RAET1G: variants seen among roughly 807,000 people sequenced by gnomAD.
RAET1G encodes the protein retinoic acid early transcript 1G.
RAET1G carries 25 observed loss-of-function variants against 29.5 expected under a neutral mutation model. The observed-to-expected ratio is 0.85, with a 90% CI of 0.62 to 1.18. The LOEUF is 1.18. Ranked by LOEUF, RAET1G falls within the 50% of genes most tolerant of loss-of-function variation. The pLI, the probability that RAET1G is intolerant of heterozygous loss-of-function variation, is 0.00. For missense variants in RAET1G, 434 were observed against 423.6 expected (o/e 1.02, Z -0.22); for synonymous variants, 167 against 159.5 (o/e 1.05, Z -0.36).
Position 149,918,377 on chromosome 6 carries a change from G to A in RAET1G, c.639C>T (p.Pro213=). Residue 213 remains proline, a synonymous_variant, in exon 4 of 5, where the codon CCC becomes CCT. Transcript: ENST00000367360. The part of the protein sequence containing the change: ...STLEPSAGAP[P]TMSSGTAQPR... Reference sequence around the variant, plus strand: ...GTTGGGCTGTGCCTGAGGACATGGTGGGTGGTGCTGAAATGGAAGCACAAG... The same window carrying A: ...GTTGGGCTGTGCCTGAGGACATGGTAGGTGGTGCTGAAATGGAAGCACAAG... 5.0e-6 allele frequency: 8 copies of A among 1,614,078 alleles called. No homozygotes were observed. Among genetic ancestry groups the A allele is most frequent in the Non-Finnish European group, 6.8e-6 (8 of 1,179,942 alleles).
Position 149,919,449 on chromosome 6 carries a change from G to A in RAET1G, c.349+104C>T, listed in dbSNP as rs1028105082. The A allele has an allele frequency of 3.4e-5, 55 of 1,610,018 alleles. 1 individual carries two copies. Among genetic ancestry groups the A allele is most frequent in the South Asian group, 3.1e-4 (28 of 90,236 alleles). On this transcript the variant is annotated intron_variant, in intron 2 of 4. Coordinates refer to ENST00000367360, the MANE Select transcript of RAET1G (RefSeq NM_001001788.4). Reference sequence around the variant, plus strand: ...CTGGCCTTGCCTCTAGACGTCTTGCGGGGTGAGATGACCTTCCTATTTGTA... The same window carrying A: ...CTGGCCTTGCCTCTAGACGTCTTGCAGGGTGAGATGACCTTCCTATTTGTA...
intron 3 of RAET1G, 198 bp downstream of exon 3, chr6:149,918,845 G>T (rs779624141): frequency 3.3e-5 from 26 of 778,288 alleles, no homozygotes; most frequent in African/African-American, 1.4e-4. Context: ...CAGTGAGGAA[G>T]AGGAGTCAGG....
At chr6:149,919,923 C>G in intron 1 of RAET1G, 107 bp from the exon 2 acceptor site, 1 of 1,602,486 alleles carries the variant, frequency 6.2e-7, no homozygotes, top group Non-Finnish European at 8.5e-7. Context: ...TGGGCTGGCC[C>G]AGCAAGGAGT....
intron 1 of RAET1G, among the ~76,000 whole-genome samples, chr6:149,920,073 G>A (rs75353579): frequency 0.022 from 3,293 of 152,240 alleles, 94 homozygotes; most frequent in Admixed American, 0.072. Context: ...TGTCCACATC[G>A]GTCAACACAG....
At chr6:149,919,922 C>A (rs774933548) in intron 1 of RAET1G, 106 bp from the exon 2 acceptor site, 134 of 1,603,096 alleles carry the variant, frequency 8.4e-5, no homozygotes, top group Non-Finnish European at 1.1e-4. Flanking sequence ...CTGGGCTGGC[C>A]CAGCAAGGAG....
chr6:149,923,114 A>C lies in RAET1G; in HGVS notation c.-104T>G, dbSNP rs2114661776. ...GCAGCCCGTCTGAATGCAGCCCTAA[A>C]CTCCAGTAAGCCCTAAACTCTAGCA... is the stretch of plus-strand genomic sequence containing the variant. On this transcript the variant is annotated 5_prime_UTR_variant, in exon 1 of 5. Coordinates refer to ENST00000367360, the MANE Select transcript of RAET1G (RefSeq NM_001001788.4). The C allele has an allele frequency of 1.3e-6, 1 of 759,340 alleles. No homozygotes were observed. Among genetic ancestry groups the C allele is most frequent in the Admixed American group, 2.6e-5 (1 of 39,096 alleles). The allele number at this position is 759,340 out of a possible 1,614,324, so 47.0% of individuals were successfully genotyped here.
chr6:149,920,370 G>A (rs1197539016), intron 1 of RAET1G, among the ~76,000 whole-genome samples: 1 of 152,154 alleles, frequency 6.6e-6, no homozygotes, highest in Middle Eastern at 3.2e-3. Flanking sequence ...GGTCCACACA[G>A]CAAGAAATAG....
intron 3 of RAET1G, 188 bp from the exon 4 acceptor site, chr6:149,918,572 A>T (rs1026688820): frequency 9.5e-5 from 66 of 697,954 alleles, no homozygotes; most frequent in Admixed American, 2.1e-4. Flanking sequence ...CAGGGAGCTC[A>T]CAGAGCTGCT....
At chr6:149,918,749 A>G in intron 3 of RAET1G, 1 of 601,788 alleles carries the variant, frequency 1.7e-6, no homozygotes, top group South Asian at 2.1e-5. Flanking sequence ...TCAAGAGGGA[A>G]CACTAAGGAG....
chr6:149,917,555 A>G (rs188682115), intron 4 of RAET1G, among the ~76,000 whole-genome samples: 184 of 152,360 alleles, frequency 1.2e-3, no homozygotes, highest in African/African-American at 4.3e-3. Context: ...AGAGATTATT[A>G]TAACATTGGA....
intron 1 of RAET1G, among the ~76,000 whole-genome samples, chr6:149,920,117 G>A (rs1473708484): frequency 3.3e-5 from 5 of 152,170 alleles, no homozygotes; most frequent in Non-Finnish European, 7.4e-5. Context: ...AGTGCTAGAG[G>A]AGGAAGGGCC....
intron 1 of RAET1G, among the ~76,000 whole-genome samples, chr6:149,920,078 A>G (rs1482877248): frequency 6.6e-6 from 1 of 152,186 alleles, no homozygotes; most frequent in Admixed American, 6.5e-5. Flanking sequence ...ACATCGGTCA[A>G]CACAGGACCT....
At chr6:149,922,790 G>T in intron 1 of RAET1G, 136 bp downstream of exon 1, 1 of 591,244 alleles carries the variant, frequency 1.7e-6, no homozygotes, top group African/African-American at 1.9e-5. Flanking sequence ...AAGGAGACGC[G>T]GAGGGAAACT....
intron 1 of RAET1G, among the ~76,000 whole-genome samples, 167 bp downstream of exon 1, chr6:149,922,759 T>C (rs1327202467): frequency 6.6e-6 from 1 of 151,534 alleles, no homozygotes; most frequent in Admixed American, 6.6e-5. Flanking sequence ...ATAAGTAGCC[T>C]CTGGGAACGG....
At chr6:149,919,359 G>T in intron 2 of RAET1G, 35 bp from the exon 3 acceptor site, 2 of 1,601,622 alleles carry the variant, frequency 1.2e-6, no homozygotes, top group South Asian at 1.1e-5. Context: ...CTCTGGCCTT[G>T]ACAGATATTG....
In RAET1G at chr6:149,919,154, T is replaced by C. The variant is rs773051060; in HGVS notation, c.520A>G (p.Asn174Asp). The C allele has an allele frequency of 3.7e-6, 6 of 1,614,174 alleles. No homozygotes were observed. Among genetic ancestry groups the C allele is most frequent in the Non-Finnish European group, 4.2e-6 (5 of 1,180,028 alleles). ...GARKMKEKWENDKDMTMSFHY... is the reference protein window; with the variant it reads ...GARKMKEKWEDDKDMTMSFHY... The stretch of plus-strand genomic sequence containing the variant: ...AAGGACATGGTCATATCCTTGTCAT[T>C]CTCCCACTTTTCTTTCATCTTTCTG... The change falls in exon 3 of 5, where the codon AAT (asparagine) becomes GAT (aspartate). Residue 174 changes from asparagine (N) to aspartate (D), a missense_variant. Coordinates refer to ENST00000367360, the MANE Select transcript of RAET1G (RefSeq NM_001001788.4).
intron 3 of RAET1G, chr6:149,918,649 G>C (rs968869515): frequency 1.6e-6 from 1 of 607,856 alleles, no homozygotes; most frequent in Admixed American, 3.0e-5. Context: ...ATGCTCCAGG[G>C]TGCGGGAGGG....
At chr6:149,921,915 CT>C (rs1778607579) in intron 1 of RAET1G, among the ~76,000 whole-genome samples, 1 of 152,102 alleles carries the variant, frequency 6.6e-6, no homozygotes, top group Non-Finnish European at 1.5e-5. Context: ...CTGGTCCCCC[CT>C]ATTTGAAGGT....
At chr6:149,919,845 T>C in intron 1 of RAET1G, 29 bp from the exon 2 acceptor site, 1 of 1,611,684 alleles carries the variant, frequency 6.2e-7, no homozygotes, top group South Asian at 1.1e-5. Flanking sequence ...GAGGGGTGGG[T>C]GGGGAGGAAA....
Sources: gnomAD v4.1 joint callset for allele counts (sites outside exome capture counted in the v4.1 genomes callset) on GRCh38, gnomAD v4.1.1 for gene constraint, MANE v1.5 for transcripts, NCBI Gene and HGNC (gene_info 2026-07-23, HGNC 2026-07-21) for gene names.